Variants in SUCLG2 observed in about 807,000 individuals in gnomAD.
SUCLG2 encodes the protein succinate--CoA ligase [GDP-forming] subunit beta, mitochondrial.
Under a neutral mutation model 47.9 loss-of-function variants are expected in SUCLG2, and 42 were observed. The observed-to-expected ratio is 0.88, with a 90% CI of 0.69 to 1.14. The LOEUF (loss-of-function observed/expected upper bound fraction) is 1.14. SUCLG2 is among the 50% of genes most tolerant of loss of function. SUCLG2 has a pLI of 0.00. For synonymous variants in SUCLG2, 195 were observed against 197.3 expected (o/e 0.99, Z 0.10); for missense variants, 571 against 525.9 (o/e 1.09, Z -0.84).
chr3:67,611,843 T>C (rs1342937256), intron 1 of SUCLG2, among the ~76,000 whole-genome samples: 1 of 152,176 alleles, frequency 6.6e-6, no homozygotes, highest in East Asian at 1.9e-4. Context: ...ATATTGACTG[T>C]TTCCACACTG....
chr3:67,612,250 T>C (rs138946385), intron 1 of SUCLG2, among the ~76,000 whole-genome samples: 2 of 151,984 alleles, frequency 1.3e-5, no homozygotes, highest in African/African-American at 4.8e-5. Context: ...TACCAGCTAA[T>C]TGGGTGGCTG....
chr3:67,498,171 T>G lies in SUCLG2; in HGVS notation c.882A>C (p.Leu294=), dbSNP rs781410281. The part of the protein sequence containing the change: ...PIENEAAKYD[L]KYIGLDGNIA... The stretch of plus-strand genomic sequence containing the variant: ...TGTTCCCATCTAGTCCTATGTATTT[T>G]AGATCATATTTGGCAGCTTCATTTT... Residue 294 remains leucine (L), a synonymous_variant, in exon 8 of 11, where the codon CTA becomes CTC. Transcript: ENST00000307227. The G allele has an allele frequency of 6.2e-7, 1 of 1,613,460 alleles. No individual in the cohort carries two copies. The highest frequency in any genetic ancestry group is 2.2e-5 in the East Asian group (1 of 44,860).
intron 10 of SUCLG2, among the ~76,000 whole-genome samples, chr3:67,381,619 C>A (rs745440335): frequency 6.6e-6 from 1 of 152,092 alleles, no homozygotes; most frequent in Non-Finnish European, 1.5e-5. Flanking sequence ...TTTTAATAAC[C>A]ACCTGTACAG....
intron 9 of SUCLG2, among the ~76,000 whole-genome samples, chr3:67,433,865 A>G (rs1175104910): frequency 1.3e-5 from 2 of 152,112 alleles, no homozygotes; most frequent in African/African-American, 2.4e-5. Context: ...AAAAACATCT[A>G]TAAAACACAG....
At chr3:67,616,949 T>C (rs182999978) in intron 1 of SUCLG2, among the ~76,000 whole-genome samples, 1 of 152,350 alleles carries the variant, frequency 6.6e-6, no homozygotes, top group Non-Finnish European at 1.5e-5. Flanking sequence ...ATTACAGGCA[T>C]GGCAATGAAG....
intron 9 of SUCLG2, among the ~76,000 whole-genome samples, chr3:67,407,982 T>C (rs1444849983): frequency 6.6e-6 from 1 of 152,152 alleles, no homozygotes; most frequent in Non-Finnish European, 1.5e-5. Flanking sequence ...CTGGATTTAA[T>C]AAAAAATACT....
At chr3:67,385,639 C>T (rs1184931221) in intron 10 of SUCLG2, among the ~76,000 whole-genome samples, 1 of 152,220 alleles carries the variant, frequency 6.6e-6, no homozygotes, top group East Asian at 1.9e-4. Flanking sequence ...ACACTGAAGT[C>T]TAGTGGAGCC....
intron 1 of SUCLG2, among the ~76,000 whole-genome samples, chr3:67,636,632 G>A (rs777324267): frequency 1.7e-4 from 26 of 152,166 alleles, no homozygotes; most frequent in Admixed American, 4.6e-4. Flanking sequence ...GATTACAGGC[G>A]TGAGCCACTG....
chr3:67,504,516 T>C (rs1439533127), intron 7 of SUCLG2, among the ~76,000 whole-genome samples: 1 of 152,220 alleles, frequency 6.6e-6, no homozygotes, highest in Non-Finnish European at 1.5e-5. Context: ...GCCCAGTGAA[T>C]GGATTTCAGC....
At chr3:67,360,843 T>C in intron 10 of SUCLG2, 1 of 1,182,178 alleles carries the variant, frequency 8.5e-7, no homozygotes, top group Non-Finnish European at 1.1e-6. Context: ...AGTATGGTAT[T>C]CCTAAGATCC....
At chr3:67,612,871 C>G (rs557591580) in intron 1 of SUCLG2, among the ~76,000 whole-genome samples, 1 of 152,160 alleles carries the variant, frequency 6.6e-6, no homozygotes, top group Non-Finnish European at 1.5e-5. Context: ...ACCTCCTCCT[C>G]GGGTTTAACT....
chr3:67,602,479 C>G (rs539872337), intron 2 of SUCLG2, among the ~76,000 whole-genome samples: 19 of 152,120 alleles, frequency 1.2e-4, no homozygotes, highest in African/African-American at 4.6e-4. Context: ...TACCACAAGA[C>G]ACTTAGGGAA....
At chr3:67,648,670 G>A (rs1462772129) in intron 1 of SUCLG2, among the ~76,000 whole-genome samples, 2 of 152,120 alleles carry the variant, frequency 1.3e-5, no homozygotes, top group Admixed American at 6.5e-5. Context: ...ATTACTTCAC[G>A]CAGCCTTGTT....
chr3:67,520,713 C>A, intron 4 of SUCLG2, 79 bp from the exon 5 acceptor site: 2 of 1,490,130 alleles, frequency 1.3e-6, no homozygotes, highest in Non-Finnish European at 1.8e-6. Flanking sequence ...ACTTGCTACA[C>A]GAATCAAATG....
intron 2 of SUCLG2, among the ~76,000 whole-genome samples, chr3:67,578,264 T>A (rs1035782851): frequency 6.5e-5 from 9 of 139,076 alleles, no homozygotes; most frequent in South Asian, 2.1e-4. Flanking sequence ...TAAAAAAATT[T>A]TATATATATA....
chr3:67,496,392 A>G (rs1424942772), intron 8 of SUCLG2, among the ~76,000 whole-genome samples: 2 of 152,142 alleles, frequency 1.3e-5, no homozygotes, highest in Non-Finnish European at 2.9e-5. Context: ...TGGAATTCTC[A>G]ATGTTTTGTT....
chr3:67,513,596 C>A (rs768585378), intron 6 of SUCLG2, among the ~76,000 whole-genome samples: 2 of 152,154 alleles, frequency 1.3e-5, no homozygotes, highest in Non-Finnish European at 2.9e-5. Flanking sequence ...CAGGGAATGG[C>A]ATGGCATGTG....
At chr3:67,611,540 G>A (rs1399567201) in intron 1 of SUCLG2, among the ~76,000 whole-genome samples, 4 of 152,114 alleles carry the variant, frequency 2.6e-5, no homozygotes, top group Admixed American at 2.0e-4. Flanking sequence ...CTTAGTGAAA[G>A]AAAACATTAA....
At chr3:67,417,252 T>C (rs764544821) in intron 9 of SUCLG2, among the ~76,000 whole-genome samples, 8 of 152,358 alleles carry the variant, frequency 5.3e-5, no homozygotes, top group Non-Finnish European at 1.2e-4. Flanking sequence ...TGGCAATATA[T>C]TGGAAATAAT....
Sources: allele counts gnomAD v4.1 joint callset (sites outside exome capture counted in the v4.1 genomes callset), GRCh38; gene constraint gnomAD v4.1.1; transcripts MANE v1.5; gene names NCBI Gene and HGNC (gene_info 2026-07-23, HGNC 2026-07-21).